TRHR: variants seen among roughly 807,000 people sequenced by gnomAD.
The protein encoded by TRHR is thyrotropin releasing hormone receptor.
A neutral mutation model predicts 28.0 loss-of-function variants in TRHR; 14 were observed. The ratio of observed to expected loss-of-function variants is 0.50; its 90% confidence interval spans 0.33 to 0.78. The LOEUF (loss-of-function observed/expected upper bound fraction) is 0.78. Among genes scored for constraint, TRHR ranks in the 30% least tolerant of loss-of-function variants. TRHR has a pLI of 0.02. For missense variants in TRHR, 438 were observed against 469.5 expected (o/e 0.93, Z 0.62); for synonymous variants, 176 against 171.9 (o/e 1.02, Z -0.18).
At chr8:109,092,405 T>G (rs921977545) in intron 2 of TRHR, among the ~76,000 whole-genome samples, 1 of 150,562 alleles carries the variant, frequency 6.6e-6, no homozygotes, top group Non-Finnish European at 1.5e-5. Flanking sequence ...TCCTTTTTAT[T>G]TATTATTTAT....
chr8:109,116,363 T>C (rs1811921659), intron 2 of TRHR, among the ~76,000 whole-genome samples: 1 of 152,176 alleles, frequency 6.6e-6, no homozygotes, highest in South Asian at 2.1e-4. Context: ...ATTGGAATAG[T>C]TTCAGAAGGA....
intron 2 of TRHR, among the ~76,000 whole-genome samples, chr8:109,113,689 T>C (rs1381530873): frequency 6.6e-6 from 1 of 152,130 alleles, no homozygotes; most frequent in East Asian, 1.9e-4. Context: ...AGGACTTTGG[T>C]GTGGGGTATA....
chr8:109,114,384 T>C (rs1811886111), intron 2 of TRHR, among the ~76,000 whole-genome samples: 1 of 152,086 alleles, frequency 6.6e-6, no homozygotes, highest in African/African-American at 2.4e-5. Flanking sequence ...CTGTGTTGAC[T>C]AAAATGGCTC....
At chr8:109,103,092 A>C (rs1811701710) in intron 2 of TRHR, among the ~76,000 whole-genome samples, 1 of 152,170 alleles carries the variant, frequency 6.6e-6, no homozygotes, top group Admixed American at 6.6e-5. Flanking sequence ...TTGCCAAAAA[A>C]TTCCGTCTGA....
In TRHR at chr8:109,119,540, T is replaced by G; in HGVS notation, c.*85T>G. ...AAAGGGAGAACATGGCCAATAGTCA[T>G]ATGTGAAGACAGAGCAGATCAGTCT... On this transcript the variant is annotated 3_prime_UTR_variant, in exon 3 of 3. Transcript: ENST00000518632. 6.7e-7 allele frequency: 1 copy of G among 1,502,432 alleles called. No homozygotes were observed. The highest frequency in any genetic ancestry group is 9.1e-7 in the Non-Finnish European group (1 of 1,097,548). 93.1% of individuals were successfully genotyped at this position (1,502,432 alleles called of 1,614,324 possible). A position where few individuals can be genotyped will look rare whatever the true frequency, so the allele number is the denominator to read the frequency against.
intron 2 of TRHR, among the ~76,000 whole-genome samples, chr8:109,111,537 T>C (rs1055114689): frequency 3.3e-5 from 5 of 152,082 alleles, no homozygotes; most frequent in Non-Finnish European, 5.9e-5. Flanking sequence ...AGAAAATATT[T>C]CCAGAAAGAA....
chr8:109,115,985 T>A (rs532432973), intron 2 of TRHR, among the ~76,000 whole-genome samples: 6 of 152,302 alleles, frequency 3.9e-5, no homozygotes, highest in African/African-American at 1.4e-4. Context: ...CATCAATACC[T>A]AATTTATTGA....
chr8:109,106,690 C>G (rs1398635738), intron 2 of TRHR, among the ~76,000 whole-genome samples: 1 of 152,030 alleles, frequency 6.6e-6, no homozygotes, highest in African/African-American at 2.4e-5. Flanking sequence ...GGAAAGAAAC[C>G]AGACACAATA....
intron 2 of TRHR, among the ~76,000 whole-genome samples, chr8:109,113,134 C>G (rs1313736067): frequency 1.3e-5 from 2 of 152,030 alleles, no homozygotes. Context: ...TAAGATGAGG[C>G]CACCCCCACA....
intron 2 of TRHR, among the ~76,000 whole-genome samples, chr8:109,089,868 A>G (rs1227187660): frequency 6.6e-6 from 1 of 152,240 alleles, no homozygotes; most frequent in Non-Finnish European, 1.5e-5. Context: ...TTAGACTCCA[A>G]TTTGCATTCC....
At chr8:109,109,669 A>G (rs1811801124) in intron 2 of TRHR, among the ~76,000 whole-genome samples, 1 of 152,148 alleles carries the variant, frequency 6.6e-6, no homozygotes, top group Admixed American at 6.6e-5. Context: ...TGATTCTCAG[A>G]AAGCAAGGCT....
intron 2 of TRHR, among the ~76,000 whole-genome samples, chr8:109,106,269 G>A (rs1176041458): frequency 6.6e-6 from 1 of 152,116 alleles, no homozygotes; most frequent in African/African-American, 2.4e-5. Context: ...CATGAGTGAA[G>A]GAGGAGCAAC....
chr8:109,095,494 C>T (rs1394051440), intron 2 of TRHR, among the ~76,000 whole-genome samples: 19 of 152,082 alleles, frequency 1.2e-4, no homozygotes, highest in Admixed American at 9.8e-4. Context: ...GGAAGGGAAG[C>T]GTCTAGAGAA....
At chr8:109,111,383 G>A (rs374865321) in intron 2 of TRHR, among the ~76,000 whole-genome samples, 1 of 152,140 alleles carries the variant, frequency 6.6e-6, no homozygotes, top group African/African-American at 2.4e-5. Flanking sequence ...CCATCTGAGA[G>A]TATAATATTC....
In TRHR at chr8:109,088,303, T is replaced by G; in HGVS notation, c.789+2T>G. On this transcript the variant is annotated splice_donor_variant, in intron 2 of 2. Transcript: ENST00000518632. LOFTEE classifies it high-confidence loss of function. ...AGCACAGTATCTTCAAGGAAGCAGG[T>G]AAGCAAAACTGAAACTCCAAGTCAA... 6.2e-7 allele frequency: 1 copy of G among 1,612,928 alleles called. No individual in the cohort carries two copies. Among genetic ancestry groups the G allele is most frequent in the Non-Finnish European group, 8.5e-7 (1 of 1,179,932 alleles).
intron 2 of TRHR, among the ~76,000 whole-genome samples, chr8:109,090,041 T>C (rs972393511): frequency 6.6e-5 from 10 of 152,200 alleles, no homozygotes; most frequent in African/African-American, 2.4e-4. Flanking sequence ...ACAGAGGCTG[T>C]ATGATAGAAG....
intron 2 of TRHR, among the ~76,000 whole-genome samples, chr8:109,108,141 T>G (rs1409613271): frequency 2.6e-5 from 4 of 152,232 alleles, no homozygotes; most frequent in African/African-American, 7.2e-5. Context: ...GCCTCCCAGG[T>G]GCTCCCAGCT....
chr8:109,107,990 A>G (rs1457367653), intron 2 of TRHR, among the ~76,000 whole-genome samples: 1 of 152,128 alleles, frequency 6.6e-6, no homozygotes, highest in Middle Eastern at 3.2e-3. Flanking sequence ...TGGTTTGCTG[A>G]AGGAAAGAAA....
chr8:109,105,415 T>C (rs143703720), intron 2 of TRHR, among the ~76,000 whole-genome samples: 2 of 152,302 alleles, frequency 1.3e-5, no homozygotes, highest in African/African-American at 4.8e-5. Flanking sequence ...ATTAAATTCA[T>C]TCATTCATTC....
Sources: allele counts gnomAD v4.1 joint callset (sites outside exome capture counted in the v4.1 genomes callset), GRCh38; gene constraint gnomAD v4.1.1; transcripts MANE v1.5; gene names NCBI Gene and HGNC (gene_info 2026-07-23, HGNC 2026-07-21).